Variants in ZFHX4 observed in about 807,000 individuals in gnomAD.
ZFHX4 encodes zinc finger homeobox protein 4.
ZFHX4 carries 56 observed loss-of-function variants against 267.6 expected under a neutral mutation model. That is an observed-to-expected ratio of 0.21 (90% CI 0.17 to 0.26). ZFHX4 has a LOEUF of 0.26. Among genes scored for constraint, ZFHX4 ranks in the 10% least tolerant of loss-of-function variants. The pLI is 1.00. For missense variants in ZFHX4, 4,332 were observed against 4,420.0 expected, an observed-to-expected ratio of 0.98 and a Z score of 0.56; for synonymous variants, 1,778 against 1,665.6, an observed-to-expected ratio of 1.07 and a Z score of -1.64.
Position 76,852,219 on chromosome 8 carries a change from C to A in ZFHX4, c.5298C>A (p.Gly1766=), listed in dbSNP as rs1812550877. The change falls in exon 10 of 11, where the codon GGC becomes GGA. Residue 1766 remains glycine (G), a synonymous_variant. Coordinates refer to ENST00000651372, the MANE Select transcript of ZFHX4 (RefSeq NM_024721.5). ...GCTCTGCCACATTTGGGATGCCTGG[C>A]ATGACAGGAATGGCTGGCTCCTTGC... The part of the protein sequence containing the change: ...LPGSATFGMP[G]MTGMAGSLLE... 1 of 1,613,390 alleles carries A rather than the reference C, an allele frequency of 6.2e-7. No individual in the cohort carries two copies. The highest frequency in any genetic ancestry group is 8.5e-7 in the Non-Finnish European group (1 of 1,179,606).
chr8:76,711,340 C>G (rs1563477700), intron 3 of ZFHX4, among the ~76,000 whole-genome samples: 1 of 152,046 alleles, frequency 6.6e-6, no homozygotes, highest in Non-Finnish European at 1.5e-5. Flanking sequence ...CAAAATTGCT[C>G]TAGGAAAATA....
chr8:76,858,147 C>T (rs1398221824), intron 10 of ZFHX4, among the ~76,000 whole-genome samples: 8 of 152,172 alleles, frequency 5.3e-5, no homozygotes, highest in Non-Finnish European at 8.8e-5. Context: ...CTGCCAACTG[C>T]TCTTTGGTCA....
At chr8:76,797,002 A>G (rs1328487364) in intron 4 of ZFHX4, among the ~76,000 whole-genome samples, 1 of 152,154 alleles carries the variant, frequency 6.6e-6, no homozygotes, top group Admixed American at 6.5e-5. Context: ...CTCTAACGTA[A>G]AGCGACCATA....
At chr8:76,791,537 A>G (rs1473368339) in intron 4 of ZFHX4, among the ~76,000 whole-genome samples, 3 of 152,150 alleles carry the variant, frequency 2.0e-5, no homozygotes, top group Non-Finnish European at 2.9e-5. Flanking sequence ...TTATGCCTGG[A>G]GCTATTTTTA....
chr8:76,782,677 G>A (rs950912650), intron 4 of ZFHX4, among the ~76,000 whole-genome samples: 4 of 151,826 alleles, frequency 2.6e-5, no homozygotes, highest in African/African-American at 9.7e-5. Context: ...CTGACATTTG[G>A]CATGATGTCC....
At chr8:76,858,999 T>C (rs1812802250) in intron 10 of ZFHX4, among the ~76,000 whole-genome samples, 1 of 152,218 alleles carries the variant, frequency 6.6e-6, no homozygotes, top group South Asian at 2.1e-4. Flanking sequence ...TCAGTGAATG[T>C]AAGATGAACA....
intron 4 of ZFHX4, among the ~76,000 whole-genome samples, chr8:76,812,471 A>T (rs1336034511): frequency 6.6e-6 from 1 of 152,158 alleles, no homozygotes; most frequent in Non-Finnish European, 1.5e-5. Flanking sequence ...TATTTCTTTT[A>T]GTTGGATTTC....
Position 76,681,615 on chromosome 8 carries a change from TG to T in ZFHX4, c.-50del. On this transcript the variant is annotated 5_prime_UTR_variant, in exon 1 of 11. It removes the in-frame stop codon of an upstream open reading frame in the 5' UTR. Coordinates refer to ENST00000651372, the MANE Select transcript of ZFHX4 (RefSeq NM_024721.5). ...GATCGAGTAGGAACTGCAGGGGAAA[TG>T]GAAAGTAAGTTTTTTCTTTAACTTT... The T allele has an allele frequency of 2.5e-6, 1 of 397,194 alleles. No individual in the cohort carries two copies. The highest frequency in any genetic ancestry group is 4.4e-6 in the Non-Finnish European group (1 of 225,650). The allele number at this position is 397,194 out of a possible 1,614,324, so 24.6% of individuals were successfully genotyped here. A position where few individuals can be genotyped will look rare whatever the true frequency, so the allele number is the denominator to read the frequency against.
intron 6 of ZFHX4, among the ~76,000 whole-genome samples, chr8:76,847,771 A>G (rs1343203057): frequency 6.6e-6 from 1 of 152,138 alleles, no homozygotes; most frequent in Non-Finnish European, 1.5e-5. Flanking sequence ...TTTCCATAAC[A>G]TCCTTGACCT....
rs1268984517 is a variant in ZFHX4 at position 76,704,776 on chromosome 8, T to C, written c.688T>C (p.Tyr230His). The C allele has an allele frequency of 6.2e-7, 1 of 1,614,072 alleles. No homozygotes were observed. Among genetic ancestry groups the C allele is most frequent in the Non-Finnish European group, 8.5e-7 (1 of 1,179,920 alleles). Residue 230 changes from tyrosine to histidine, a missense_variant, in exon 2 of 11, where the codon TAT (tyrosine) becomes CAT (histidine). Physicochemically the swap from Tyr to His is moderately conservative, Grantham distance 83. This residue lies in a region of ZFHX4 where 1,195 missense variants were observed against 1,173.6 expected (regional missense o/e 1.02). Coordinates refer to ENST00000651372, the MANE Select transcript of ZFHX4 (RefSeq NM_024721.5). ...VGPVLHSFRV[Y>H]DLRHKREKDY... ...TCCTGTGTTGCACAGTTTCCGTGTC[T>C]ATGATCTCCGACACAAGAGAGAGAA... is the stretch of plus-strand genomic sequence containing the variant.
chr8:76,853,075 C>G lies in ZFHX4; in HGVS notation c.6154C>G (p.Pro2052Ala). 1.5e-6 allele frequency: 1 copy of G among 687,630 alleles called. No individual in the cohort carries two copies. The highest frequency in any genetic ancestry group is 2.4e-6 in the Non-Finnish European group (1 of 408,612). The allele number at this position is 687,630 out of a possible 1,614,324, so 42.6% of individuals were successfully genotyped here. A position where few individuals can be genotyped will look rare whatever the true frequency, so the allele number is the denominator to read the frequency against. ...PPPPPPPPPP[P>A]PPPPPPPPPS... ...CCCACCACCACCACCTCCTCCTCCT[C>G]CTCCTCCTCCCCCCCCACCTCCTCC... The change falls in exon 10 of 11, where the codon CCT becomes GCT. Residue 2052 changes from proline (P) to alanine (A), a missense_variant. Transcript: ENST00000651372.
intron 3 of ZFHX4, among the ~76,000 whole-genome samples, chr8:76,767,138 G>A (rs1314422782): frequency 6.6e-6 from 1 of 151,916 alleles, no homozygotes; most frequent in Non-Finnish European, 1.5e-5. Context: ...AAATTAGAAT[G>A]GCCTAAGCTT....
intron 4 of ZFHX4, among the ~76,000 whole-genome samples, chr8:76,832,731 A>T (rs920409936): frequency 2.6e-5 from 4 of 152,144 alleles, no homozygotes; most frequent in African/African-American, 9.7e-5. Flanking sequence ...GCAAAAAGGA[A>T]TCACGCAGTT....
rs770893848 is a variant in ZFHX4 at position 76,854,168 on chromosome 8, G to A, written c.7247G>A (p.Ser2416Asn). The A allele has an allele frequency of 3.1e-6, 5 of 1,594,972 alleles. No individual in the cohort carries two copies. Among genetic ancestry groups the A allele is most frequent in the Admixed American group, 3.6e-5 (2 of 55,620 alleles). Residue 2416 changes from serine (S) to asparagine (N), a missense_variant, in exon 10 of 11, where the codon AGT (serine) becomes AAT (asparagine). Physicochemically the swap from Ser to Asn is conservative, Grantham distance 46 (BLOSUM62 1). Around this residue, in one of 7 missense-constraint regions of ZFHX4, gnomAD observed 1,648 missense variants for 1,625.0 expected, o/e 1.01. Transcript: ENST00000651372. Reference sequence around the variant, plus strand: ...TATCCCGCAGAAAAGCCAAAGCAGAGTGACCCCTCTCCCCCTTCTCAAGGC... The same window carrying A: ...TATCCCGCAGAAAAGCCAAAGCAGAATGACCCCTCTCCCCCTTCTCAAGGC... Reference protein sequence around the residue: ...PEYPAEKPKQSDPSPPSQGTK... With the variant: ...PEYPAEKPKQNDPSPPSQGTK...
chr8:76,820,051 T>C (rs956807572), intron 4 of ZFHX4, among the ~76,000 whole-genome samples: 1 of 152,214 alleles, frequency 6.6e-6, no homozygotes, highest in African/African-American at 2.4e-5. Context: ...CTTACATTTT[T>C]CAGTGAATGT....
chr8:76,830,563 A>G (rs1811907111), intron 4 of ZFHX4, among the ~76,000 whole-genome samples: 1 of 152,176 alleles, frequency 6.6e-6, no homozygotes, highest in Non-Finnish European at 1.5e-5. Context: ...TCATTTTGTA[A>G]GTCAAAAGCT....
chr8:76,843,177 A>G (rs1035524416), intron 6 of ZFHX4, among the ~76,000 whole-genome samples: 1 of 152,240 alleles, frequency 6.6e-6, no homozygotes, highest in Non-Finnish European at 1.5e-5. Flanking sequence ...TTTGTCATTC[A>G]GTCACATGTA....
intron 4 of ZFHX4, among the ~76,000 whole-genome samples, chr8:76,781,410 G>A (rs894712906): frequency 6.6e-6 from 1 of 151,998 alleles, no homozygotes; most frequent in African/African-American, 2.4e-5. Flanking sequence ...TTTAAAGACA[G>A]TTTTTAAAAT....
At chr8:76,716,173 CATTT>C (rs1199387401) in intron 3 of ZFHX4, among the ~76,000 whole-genome samples, 1 of 151,916 alleles carries the variant, frequency 6.6e-6, no homozygotes, top group African/African-American at 2.4e-5. Flanking sequence ...AAGAAGGCCT[CATTT>C]ATCGATAGAG....
Sources: gnomAD v4.1 joint callset for allele counts (sites outside exome capture counted in the v4.1 genomes callset) on GRCh38, gnomAD v4.1.1 for gene constraint, gnomAD v4.1.1 regional missense constraint, MANE v1.5 for transcripts, NCBI Gene and HGNC (gene_info 2026-07-23, HGNC 2026-07-21) for gene names.